Variants in KATNBL1 observed in about 807,000 individuals in gnomAD.
The protein encoded by KATNBL1 is KATNB1-like protein 1.
KATNBL1 carries 28 observed loss-of-function variants against 44.7 expected under a neutral mutation model. The ratio of observed to expected loss-of-function variants is 0.63; its 90% CI spans 0.46 to 0.86. The LOEUF is 0.86. Among genes scored for constraint, KATNBL1 ranks in the 40% least tolerant of loss-of-function variants. The pLI, the probability that KATNBL1 is intolerant of heterozygous loss-of-function variation, is 0.00. For missense variants in KATNBL1, 272 were observed against 350.7 expected (o/e 0.78, Z 1.79); for synonymous variants, 78 against 114.9 (o/e 0.68, Z 2.06).
chr15:34,206,364 C>T (rs1890292097), intron 1 of KATNBL1, among the ~76,000 whole-genome samples: 3 of 152,148 alleles, frequency 2.0e-5, no homozygotes, highest in Admixed American at 6.5e-5. Flanking sequence ...TCATTTCTAC[C>T]CTCATTATGC....
At chr15:34,159,373 G>C (rs1597433930) in intron 2 of KATNBL1, among the ~76,000 whole-genome samples, 1 of 152,278 alleles carries the variant, frequency 6.6e-6, no homozygotes, top group South Asian at 2.1e-4. Flanking sequence ...ACAGTTACTA[G>C]TAACAACAGG....
chr15:34,193,226 A>AAC (rs1555530395), intron 1 of KATNBL1, among the ~76,000 whole-genome samples: 2 of 135,468 alleles, frequency 1.5e-5, no homozygotes, highest in Admixed American at 7.3e-5. Flanking sequence ...CAAAAAAAAA[A>AAC]AAAAAAAAAC....
intron 1 of KATNBL1, chr15:34,209,324 A>G (rs1890371451): frequency 6.6e-6 from 1 of 152,230 alleles, no homozygotes; most frequent in Non-Finnish European, 1.5e-5. Flanking sequence ...CTCTGTTTTC[A>G]AGGAACTTTA....
chr15:34,167,750 C>T (rs1295563620), intron 1 of KATNBL1, among the ~76,000 whole-genome samples: 1 of 152,162 alleles, frequency 6.6e-6, no homozygotes, highest in Non-Finnish European at 1.5e-5. Flanking sequence ...TCGGCAGAAA[C>T]CCTACAAGCC....
At chr15:34,146,586 A>T in intron 8 of KATNBL1, 175 bp downstream of exon 8, 1 of 545,422 alleles carries the variant, frequency 1.8e-6, no homozygotes, top group Non-Finnish European at 3.3e-6. Context: ...TCTGGAATTC[A>T]ATTTCCAGGT....
chr15:34,151,163 G>A (rs184782744), intron 4 of KATNBL1, among the ~76,000 whole-genome samples: 47 of 152,112 alleles, frequency 3.1e-4, no homozygotes, highest in African/African-American at 9.2e-4. Flanking sequence ...AAAAATTGTC[G>A]CACTGCTTTC....
At chr15:34,175,906 T>G (rs1202374601) in intron 1 of KATNBL1, among the ~76,000 whole-genome samples, 1 of 151,988 alleles carries the variant, frequency 6.6e-6, no homozygotes, top group African/African-American at 2.4e-5. Flanking sequence ...GCAACTCTAC[T>G]CCTACATAAA....
intron 1 of KATNBL1, among the ~76,000 whole-genome samples, chr15:34,189,852 C>A (rs2140983093): frequency 1.3e-5 from 2 of 152,140 alleles, no homozygotes; most frequent in South Asian, 4.2e-4. Context: ...TTTTAGGGTT[C>A]ATTTCTTAAA....
Position 34,152,867 on chromosome 15 carries a change from A to C in KATNBL1, c.361T>G (p.Tyr121Asp). Reference sequence around the variant, plus strand: ...CCAGAATCACTGGAGTTAACCAAATATGTTCGACTATCATGGTGTAATTTT... The same window carrying C: ...CCAGAATCACTGGAGTTAACCAAATCTGTTCGACTATCATGGTGTAATTTT... ...PEKLHHDSRT[Y>D]LVNSSDSGSS... Residue 121 changes from tyrosine (Y) to aspartate (D), a missense_variant, in exon 4 of 10, where the codon TAT (tyrosine) becomes GAT (aspartate). This residue lies in a region of KATNBL1 where 111 missense variants were observed against 149.3 expected (regional missense o/e 0.74). Transcript: ENST00000256544. 1 of 1,613,872 alleles carries C rather than the reference A, an allele frequency of 6.2e-7. No homozygotes were observed. Among genetic ancestry groups the C allele is most frequent in the South Asian group, 1.1e-5 (1 of 91,074 alleles).
At chr15:34,169,291 A>G (rs1889083512) in intron 1 of KATNBL1, among the ~76,000 whole-genome samples, 2 of 152,252 alleles carry the variant, frequency 1.3e-5, no homozygotes, top group Admixed American at 1.3e-4. Context: ...ACAAACTGCC[A>G]TCAGAGAATA....
intron 1 of KATNBL1, among the ~76,000 whole-genome samples, chr15:34,195,964 G>A (rs73382086): frequency 0.15 from 23,458 of 152,068 alleles, 1,950 homozygotes; most frequent in African/African-American, 0.21. Flanking sequence ...ATCAATGTGT[G>A]TCTGATTTTT....
chr15:34,199,869 T>C (rs1035724992), intron 1 of KATNBL1: 1 of 151,706 alleles, frequency 6.6e-6, no homozygotes, highest in African/African-American at 2.4e-5. Context: ...GTTTCCACGG[T>C]GTGGAAGATG....
chr15:34,178,308 C>T (rs897484455), intron 1 of KATNBL1, among the ~76,000 whole-genome samples: 1 of 152,188 alleles, frequency 6.6e-6, no homozygotes, highest in Non-Finnish European at 1.5e-5. Context: ...AAGCTATAAG[C>T]TATCTACCAT....
intron 1 of KATNBL1, among the ~76,000 whole-genome samples, chr15:34,165,259 G>A (rs578090488): frequency 6.6e-6 from 1 of 152,166 alleles, no homozygotes; most frequent in African/African-American, 2.4e-5. Flanking sequence ...CGACTTAAAT[G>A]AGGCTAGAGA....
chr15:34,153,191 A>G, intron 3 of KATNBL1, 122 bp from the exon 4 acceptor site: 1 of 589,162 alleles, frequency 1.7e-6, no homozygotes. Flanking sequence ...AGAAATAAAT[A>G]GAATTTTAAA....
At chr15:34,176,886 T>G (rs1889348672) in intron 1 of KATNBL1, among the ~76,000 whole-genome samples, 1 of 152,168 alleles carries the variant, frequency 6.6e-6, no homozygotes, top group Non-Finnish European at 1.5e-5. Flanking sequence ...GGATTATCCC[T>G]TTTCCACCAA....
At chr15:34,199,394 G>A (rs1240419384) in intron 1 of KATNBL1, among the ~76,000 whole-genome samples, 2 of 152,140 alleles carry the variant, frequency 1.3e-5, no homozygotes, top group Admixed American at 6.5e-5. Flanking sequence ...CCTAGACTGT[G>A]CCACTGCACT....
At chr15:34,147,811 A>C (rs1191845518) in intron 5 of KATNBL1, among the ~76,000 whole-genome samples, 2 of 152,166 alleles carry the variant, frequency 1.3e-5, no homozygotes, top group African/African-American at 4.8e-5. Flanking sequence ...ACTTGAATAC[A>C]ATGAGGAAAG....
At chr15:34,188,137 TAAAAAAAAAAAA>T (rs1201268078) in intron 1 of KATNBL1, among the ~76,000 whole-genome samples, 2 of 22,084 alleles carry the variant, frequency 9.1e-5, no homozygotes, top group Admixed American at 7.6e-4. Context: ...AGACGCCATG[TAAAAAAAAAAAA>T]AAAAAAAAAA....
Sources: allele counts gnomAD v4.1 joint callset (sites outside exome capture counted in the v4.1 genomes callset), GRCh38; gene constraint gnomAD v4.1.1; regional missense constraint gnomAD v4.1.1; transcripts MANE v1.5; gene names NCBI Gene and HGNC (gene_info 2026-07-23, HGNC 2026-07-21).